The following PRDM2 variants were observed in gnomAD, a reference collection of about 807,000 sequenced individuals.
The protein encoded by PRDM2 is PR domain zinc finger protein 2.
Under a neutral mutation model 130.0 loss-of-function variants are expected in PRDM2, and 30 were observed. The observed-to-expected ratio is 0.23, with a 90% CI of 0.17 to 0.31. The LOEUF is 0.31. Among genes scored for constraint, PRDM2 ranks in the 10% least tolerant of loss-of-function variants. The pLI, the probability that PRDM2 is intolerant of heterozygous loss-of-function variation, is 1.00. For missense variants in PRDM2, 2,011 were observed against 2,108.4 expected (o/e 0.95, Z 0.90); for synonymous variants, 871 against 782.4 (o/e 1.11, Z -1.89).
At chr1:13,800,736 C>T (rs1644993608) in intron 8 of PRDM2, among the ~76,000 whole-genome samples, 1 of 152,166 alleles carries the variant, frequency 6.6e-6, no homozygotes, top group South Asian at 2.1e-4. Context: ...CTTAAATGTA[C>T]CCATACTGAC....
intron 8 of PRDM2, among the ~76,000 whole-genome samples, chr1:13,813,911 G>C (rs1437955501): frequency 6.6e-6 from 1 of 152,190 alleles, no homozygotes; most frequent in African/African-American, 2.4e-5. Flanking sequence ...GGGAGGTCGG[G>C]GTGTTATTTT....
At chr1:13,744,465 T>TTA (rs1328419022) in intron 5 of PRDM2, among the ~76,000 whole-genome samples, 1 of 152,100 alleles carries the variant, frequency 6.6e-6, no homozygotes, top group Non-Finnish European at 1.5e-5. Context: ...TTTCACAAGG[T>TTA]GGTATGGTGT....
chr1:13,781,055 C>T lies in PRDM2; in HGVS notation c.3260C>T (p.Ser1087Phe). The T allele has an allele frequency of 1.9e-6, 3 of 1,612,652 alleles. No homozygotes were observed. The highest frequency in any genetic ancestry group is 1.3e-5 in the African/African-American group (1 of 74,994). Residue 1087 changes from serine to phenylalanine, a missense_variant, in exon 8 of 10, where the codon TCT becomes TTT. Transcript: ENST00000311066. This position sits in a 1 kb window ranked among gnomAD's most constrained non-coding sequence, Gnocchi z 6.1. ...PLSAISSVVS[S>F]GDNLEASLPM... Reference sequence around the variant, plus strand: ...TCCGCAATATCATCTGTTGTTTCCTCTGGTGATAATCTGGAGGCTTCTCTC... The same window carrying T: ...TCCGCAATATCATCTGTTGTTTCCTTTGGTGATAATCTGGAGGCTTCTCTC...
At chr1:13,810,148 G>C (rs932897188) in intron 8 of PRDM2, among the ~76,000 whole-genome samples, 2 of 56,338 alleles carry the variant, frequency 3.6e-5, no homozygotes, top group Non-Finnish European at 7.1e-5. Flanking sequence ...GGACACAAAG[G>C]TTCCATCTAT....
At chr1:13,731,659 C>T (rs1643115127) in intron 3 of PRDM2, among the ~76,000 whole-genome samples, 1 of 152,166 alleles carries the variant, frequency 6.6e-6, no homozygotes, top group Non-Finnish European at 1.5e-5. Context: ...TCTCCTTGAA[C>T]ACAAACCAGG....
intron 8 of PRDM2, among the ~76,000 whole-genome samples, chr1:13,784,003 G>C (rs942968654): frequency 6.6e-6 from 1 of 152,172 alleles, no homozygotes; most frequent in African/African-American, 2.4e-5. Context: ...TTTAATGCTG[G>C]TGTGCCTTAA....
chr1:13,724,557 C>T (rs1045520926), intron 2 of PRDM2, among the ~76,000 whole-genome samples: 23 of 149,172 alleles, frequency 1.5e-4, no homozygotes, highest in Non-Finnish European at 2.8e-4. Context: ...TGCAGTGGCA[C>T]GATCTCGGCT....
At chr1:13,801,372 AG>A (rs1402183419) in intron 8 of PRDM2, among the ~76,000 whole-genome samples, 1 of 152,000 alleles carries the variant, frequency 6.6e-6, no homozygotes, top group Non-Finnish European at 1.5e-5. Context: ...CAGATAACTA[AG>A]GGAAATATGT....
intron 6 of PRDM2, among the ~76,000 whole-genome samples, chr1:13,763,626 G>A (rs755657565): frequency 3.4e-4 from 51 of 152,204 alleles, no homozygotes; most frequent in South Asian, 1.0e-3. Flanking sequence ...GTAAAACTGC[G>A]TATTTTACAA....
rs1455839091 is a variant in PRDM2 at position 13,779,436 on chromosome 1, A to G, written c.1641A>G (p.Glu547=). ...VYVPSTEPEE[E]GEADDVYIMD... ...TACCAAGCACAGAGCCGGAGGAGGA[A>G]GGGGAAGCAGATGATGTGTACATCA... The change falls in exon 8 of 10, where the codon GAA becomes GAG. Residue 547 remains glutamate, a synonymous_variant. Coordinates refer to ENST00000311066, the MANE Select transcript of PRDM2 (RefSeq NM_001393986.1). The surrounding 1 kb of genome is among the most constrained non-coding windows in gnomAD (Gnocchi z 4.9). 2 of 1,614,084 alleles carry G rather than the reference A, an allele frequency of 1.2e-6. No homozygotes were observed. Among genetic ancestry groups the G allele is most frequent in the Middle Eastern group, 1.6e-4 (1 of 6,084 alleles).
At chr1:13,745,905 G>A (rs537869342) in intron 5 of PRDM2, among the ~76,000 whole-genome samples, 13 of 152,150 alleles carry the variant, frequency 8.5e-5, no homozygotes, top group Non-Finnish European at 1.6e-4. Flanking sequence ...TTAAAAGACC[G>A]TGCTGGGGAC....
chr1:13,779,551 A>G lies in PRDM2; in HGVS notation c.1756A>G (p.Ile586Val). The change falls in exon 8 of 10, where the codon ATT becomes GTT. Residue 586 changes from isoleucine to valine, a missense_variant. Ile to Val is a conservative substitution (Grantham distance 29). Transcript: ENST00000311066. The surrounding 1 kb of genome is among the most constrained non-coding windows in gnomAD (Gnocchi z 4.9). ...TAACAACACTAGTAACTGTGATGTG[A>G]TTGAGATGGAGTCTGCTTCGGCAGA... Reference protein sequence around the residue: ...TNNNTSNCDVIEMESASADLY... With the variant: ...TNNNTSNCDVVEMESASADLY... The G allele has an allele frequency of 3.7e-6, 6 of 1,614,180 alleles. No individual in the cohort carries two copies. The highest frequency in any genetic ancestry group is 5.1e-6 in the Non-Finnish European group (6 of 1,179,994).
At chr1:13,747,439 T>G (rs977840135) in intron 5 of PRDM2, among the ~76,000 whole-genome samples, 1 of 152,184 alleles carries the variant, frequency 6.6e-6, no homozygotes, top group Non-Finnish European at 1.5e-5. Context: ...AAGGCGTTCT[T>G]GATGGCTGTT....
At chr1:13,767,267 G>C (rs559231098) in intron 6 of PRDM2, among the ~76,000 whole-genome samples, 3 of 150,262 alleles carry the variant, frequency 2.0e-5, no homozygotes, top group Admixed American at 1.3e-4. Context: ...TTTGATTGTT[G>C]CTTTTTTTTT....
Position 13,749,344 on chromosome 1 carries a change from C to G in PRDM2, c.385-17C>G. On this transcript the variant is annotated splice_polypyrimidine_tract_variant and intron_variant, in intron 5 of 9. Coordinates refer to ENST00000311066, the MANE Select transcript of PRDM2 (RefSeq NM_001393986.1). ...CCGCTCTGATTGGCCCGGCGCTTGT[C>G]TCTTCTCTCCCCGCAGCCAATCGCG... 7 of 1,471,128 alleles carry G rather than the reference C, an allele frequency of 4.8e-6. No individual in the cohort carries two copies. Among genetic ancestry groups the G allele is most frequent in the Non-Finnish European group, 6.4e-6 (7 of 1,095,914 alleles). 91.1% of individuals were successfully genotyped at this position (1,471,128 alleles called of 1,614,324 possible).
intron 6 of PRDM2, among the ~76,000 whole-genome samples, chr1:13,754,336 T>C (rs1417117116): frequency 1.3e-5 from 2 of 152,128 alleles, no homozygotes; most frequent in Admixed American, 1.3e-4. Flanking sequence ...GTGCGGAGTC[T>C]CCAGTCCGTT....
intron 6 of PRDM2, among the ~76,000 whole-genome samples, chr1:13,754,617 A>T (rs1450467091): frequency 6.6e-6 from 1 of 152,248 alleles, no homozygotes; most frequent in Non-Finnish European, 1.5e-5. Context: ...AAAAGCAGAG[A>T]GTGGACGGGC....
intron 8 of PRDM2, chr1:13,787,966 T>C (rs1393156343): frequency 5.1e-6 from 5 of 985,324 alleles, no homozygotes; most frequent in Middle Eastern, 5.2e-4. Context: ...TTGGGGCTTG[T>C]CAGATGTATT....
chr1:13,715,854 T>TCC (rs1642516354), intron 2 of PRDM2, among the ~76,000 whole-genome samples: 1 of 152,198 alleles, frequency 6.6e-6, no homozygotes, highest in South Asian at 2.1e-4. Context: ...TTCTTAGGGA[T>TCC]TTTCATTAAG....
Sources: gnomAD v4.1 joint callset for allele counts (sites outside exome capture counted in the v4.1 genomes callset) on GRCh38, gnomAD v4.1.1 for gene constraint, Gnocchi (gnomAD v3.1) non-coding constraint, MANE v1.5 for transcripts, NCBI Gene and HGNC (gene_info 2026-07-23, HGNC 2026-07-21) for gene names.